The following PRPF4 variants were observed in gnomAD, a reference collection of about 807,000 sequenced individuals.
PRPF4 encodes the protein pre-mRNA splicing tri-snRNP complex factor PRPF4.
PRPF4 carries 14 observed loss-of-function variants against 72.2 expected under a neutral mutation model. The observed-to-expected ratio is 0.19, with a 90% CI of 0.13 to 0.30. The LOEUF (loss-of-function observed/expected upper bound fraction) is 0.30, where lower values mean the gene tolerates loss of function less well. PRPF4 is among the 10% of genes least tolerant of loss of function. The pLI is 1.00. For synonymous variants in PRPF4, 225 were observed against 232.2 expected (o/e 0.97, Z 0.28); for missense variants, 478 against 653.9 (o/e 0.73, Z 2.93).
In PRPF4 at chr9:113,286,100, G is replaced by T. The variant is rs1029706652; in HGVS notation, c.750-132G>T. The T allele has an allele frequency of 9.7e-6, 10 of 1,029,102 alleles. No individual in the cohort carries two copies. In the South Asian group the frequency reaches 1.5e-4, roughly 15 times the overall value. The allele number at this position is 1,029,102 out of a possible 1,614,324, so 63.7% of individuals were successfully genotyped here. On this transcript the variant is annotated intron_variant, in intron 7 of 13. Coordinates refer to ENST00000374198, the MANE Select transcript of PRPF4 (RefSeq NM_001244926.2). Reference sequence around the variant, plus strand: ...CTTCTATAACCCTTCTAACTATAAGGCTTTTATTTTTCTGTCAGCCATTGT... The same window carrying T: ...CTTCTATAACCCTTCTAACTATAAGTCTTTTATTTTTCTGTCAGCCATTGT...
intron 3 of PRPF4, among the ~76,000 whole-genome samples, chr9:113,279,724 A>G (rs942511560): frequency 1.1e-4 from 16 of 152,020 alleles, no homozygotes; most frequent in African/African-American, 3.6e-4. Flanking sequence ...GGGTGCTAAC[A>G]TGCTCCCTTG....
intron 13 of PRPF4, 21 bp from the exon 14 acceptor site, chr9:113,291,446 T>A: frequency 6.3e-7 from 1 of 1,589,158 alleles, no homozygotes; most frequent in Non-Finnish European, 8.6e-7. Flanking sequence ...CTCAAGCAAT[T>A]CCCCTTCTCT....
Position 113,288,195 on chromosome 9 carries a change from T to C in PRPF4, c.953T>C (p.Ile318Thr). The C allele has an allele frequency of 6.2e-7, 1 of 1,614,244 alleles. No individual in the cohort carries two copies. The change falls in exon 10 of 14, where the codon ATT becomes ACT. Residue 318 changes from isoleucine to threonine, a missense_variant. Coordinates refer to ENST00000374198, the MANE Select transcript of PRPF4 (RefSeq NM_001244926.2). ...TCCAGTGATGAACCAGTGGCAGATA[T>C]TGAAGGCCATACAGTGCGTGTGGCG... ...SLDSDEPVAD[I>T]EGHTVRVARV...
At chr9:113,277,446 C>T (rs1032871849) in intron 2 of PRPF4, among the ~76,000 whole-genome samples, 3 of 151,640 alleles carry the variant, frequency 2.0e-5, no homozygotes, top group East Asian at 2.0e-4. Flanking sequence ...AATGCAGTGG[C>T]GTAACCTTGG....
rs375013212 is a variant in PRPF4 at position 113,276,704 on chromosome 9, G to A, written c.184G>A (p.Gly62Arg). Reference protein sequence around the residue: ...KDGLKAGIEAGNINITSGEVF... With the variant: ...KDGLKAGIEARNINITSGEVF... ...CGGACTTAAAGCAGGGATCGAAGCTGGAAATATTAATATAACCTCTGGTAA... is the reference window on the plus strand; with the variant it reads ...CGGACTTAAAGCAGGGATCGAAGCTAGAAATATTAATATAACCTCTGGTAA... Residue 62 changes from glycine (G) to arginine (R), a missense_variant, in exon 2 of 14, where the codon GGA becomes AGA. Gly to Arg is a moderately radical substitution (Grantham distance 125). Coordinates refer to ENST00000374198, the MANE Select transcript of PRPF4 (RefSeq NM_001244926.2). 1 of 1,612,892 alleles carries A rather than the reference G, an allele frequency of 6.2e-7. No homozygotes were observed. The highest frequency in any genetic ancestry group is 8.5e-7 in the Non-Finnish European group (1 of 1,179,562).
rs768812863 is a variant in PRPF4 at position 113,292,266 on chromosome 9, G to C, written c.*606G>C. ...CTTATAGCCTTCCTCACAGCACCCA[G>C]GATTGTGACTGACTCTGCATTTTTA... is the stretch of plus-strand genomic sequence containing the variant. On this transcript the variant is annotated 3_prime_UTR_variant, in exon 14 of 14. Transcript: ENST00000374198. 4 of 152,440 alleles carry C rather than the reference G, an allele frequency of 2.6e-5. No individual in the cohort carries two copies. The highest frequency in any genetic ancestry group is 5.9e-5 in the Non-Finnish European group (4 of 68,326). 9.4% of individuals were successfully genotyped at this position (152,440 alleles called of 1,614,324 possible).
At position 113,279,263 on chromosome 9, in the gene PRPF4, A is replaced by G. The variant is rs1832199557; in HGVS notation, c.392+132A>G. 3.6e-6 allele frequency: 3 copies of G among 841,596 alleles called. No homozygotes were observed. In the Admixed American group the frequency reaches 8.9e-5, roughly 25 times the overall value. The allele number at this position is 841,596 out of a possible 1,614,324, so 52.1% of individuals were successfully genotyped here. On this transcript the variant is annotated intron_variant, in intron 3 of 13. Transcript: ENST00000374198. ...GTTAACAATATCTTACTGTGTTTATATGAGTTAGCCCATAATCTGTCTTAG... is the reference window on the plus strand; with the variant it reads ...GTTAACAATATCTTACTGTGTTTATGTGAGTTAGCCCATAATCTGTCTTAG...
At chr9:113,282,091 A>G (rs1832297763) in intron 3 of PRPF4, among the ~76,000 whole-genome samples, 1 of 152,136 alleles carries the variant, frequency 6.6e-6, no homozygotes, top group Non-Finnish European at 1.5e-5. Context: ...AATTGCTTAT[A>G]GTTGAATTTT....
chr9:113,287,682 G>A (rs1832490332), intron 9 of PRPF4, among the ~76,000 whole-genome samples: 1 of 152,206 alleles, frequency 6.6e-6, no homozygotes, highest in Admixed American at 6.5e-5. Flanking sequence ...GTAATACTTA[G>A]CAATGTTTAT....
At chr9:113,278,603 A>G (rs557359214) in intron 2 of PRPF4, among the ~76,000 whole-genome samples, 4 of 152,364 alleles carry the variant, frequency 2.6e-5, no homozygotes, top group African/African-American at 9.6e-5. Context: ...TGTTGTTACA[A>G]TAATGTTTCT....
chr9:113,290,647 T>A (rs1832583167), intron 11 of PRPF4, 53 bp from the exon 12 acceptor site: 10 of 1,614,044 alleles, frequency 6.2e-6, no homozygotes, highest in Non-Finnish European at 7.6e-6. Context: ...TACCTATACC[T>A]GCTTCCACAG....
At chr9:113,284,510 A>G (rs988847598) in intron 7 of PRPF4, 121 bp downstream of exon 7, 1 of 798,250 alleles carries the variant, frequency 1.3e-6, no homozygotes, top group Non-Finnish European at 2.1e-6. Flanking sequence ...TGATCACACC[A>G]AACTACAGAT....
Position 113,276,806 on chromosome 9 carries a change from T to G in PRPF4, c.205+81T>G. ...AAACTTAAATACCACAGTTTTATAA[T>G]GTCAAAAAATTACAATTTTTTTTTT... On this transcript the variant is annotated intron_variant, in intron 2 of 13. Coordinates refer to ENST00000374198, the MANE Select transcript of PRPF4 (RefSeq NM_001244926.2). 2.8e-6 allele frequency: 4 copies of G among 1,450,456 alleles called. No homozygotes were observed. In the South Asian group the frequency reaches 5.5e-5, roughly 20 times the overall value. 89.8% of individuals were successfully genotyped at this position (1,450,456 alleles called of 1,614,324 possible).
intron 2 of PRPF4, among the ~76,000 whole-genome samples, chr9:113,278,660 T>C (rs1353868917): frequency 1.3e-5 from 2 of 152,278 alleles, no homozygotes; most frequent in African/African-American, 4.8e-5. Context: ...TTGCAAAAGA[T>C]GTTCTGTACT....
Position 113,291,032 on chromosome 9 carries a change from A to G in PRPF4, c.1372+16A>G, listed in dbSNP as rs549432398. 3.1e-6 allele frequency: 5 copies of G among 1,596,868 alleles called. No homozygotes were observed. The highest frequency in any genetic ancestry group is 1.1e-5 in the South Asian group (1 of 90,712). ...AAGTTTGAGCGTAAGCTTTCCTCCTATTTTACGTCTAAATGACACAGACAA... is the reference window on the plus strand; with the variant it reads ...AAGTTTGAGCGTAAGCTTTCCTCCTGTTTTACGTCTAAATGACACAGACAA... On this transcript the variant is annotated intron_variant, in intron 13 of 13. Coordinates refer to ENST00000374198, the MANE Select transcript of PRPF4 (RefSeq NM_001244926.2).
Position 113,282,700 on chromosome 9 carries a change from G to T in PRPF4, c.447G>T (p.Lys149Asn). The T allele has an allele frequency of 6.2e-7, 1 of 1,611,556 alleles. No homozygotes were observed. Among genetic ancestry groups the T allele is most frequent in the Non-Finnish European group, 8.5e-7 (1 of 1,178,588 alleles). Residue 149 changes from lysine (K) to asparagine (N), a missense_variant, in exon 4 of 14, where the codon AAG (lysine) becomes AAT (asparagine). Transcript: ENST00000374198. ...CTGATGCCTTGAAAAAGACCAAAAA[G>T]GATGATGAGAAGTCTAAAAAGTCCA... ...VGTDALKKTK[K>N]DDEKSKKSKE...
intron 4 of PRPF4, 45 bp downstream of exon 4, chr9:113,282,778 A>C: frequency 7.0e-7 from 1 of 1,437,096 alleles, no homozygotes; most frequent in Non-Finnish European, 9.7e-7. Context: ...GAAGGAAATG[A>C]GGGGATAGGT....
intron 7 of PRPF4, among the ~76,000 whole-genome samples, chr9:113,285,690 A>T (rs1045609780): frequency 9.9e-5 from 15 of 151,908 alleles, no homozygotes; most frequent in East Asian, 3.9e-4. Context: ...AAAAATTTTT[A>T]AAAATTTATT....
intron 6 of PRPF4, 35 bp from the exon 7 acceptor site, chr9:113,284,260 A>C (rs199986869): frequency 2.7e-6 from 4 of 1,467,210 alleles, no homozygotes; most frequent in East Asian, 2.3e-5. Flanking sequence ...TAACCTATTA[A>C]TGATCACCGT....
Sources: allele counts gnomAD v4.1 joint callset (sites outside exome capture counted in the v4.1 genomes callset), GRCh38; gene constraint gnomAD v4.1.1; transcripts MANE v1.5; gene names NCBI Gene and HGNC (gene_info 2026-07-23, HGNC 2026-07-21).